The following ROBO1 variants were observed in gnomAD, a reference collection of about 807,000 sequenced individuals.
The protein encoded by ROBO1 is roundabout homolog 1.
Under a neutral mutation model 195.9 loss-of-function variants are expected in ROBO1, and 149 were observed. The ratio of observed to expected loss-of-function variants is 0.76; its 90% CI spans 0.67 to 0.87. The LOEUF (loss-of-function observed/expected upper bound fraction) is 0.87. ROBO1 is among the 40% of genes least tolerant of loss of function. ROBO1 has a pLI of 0.00. For missense variants in ROBO1, 1,933 were observed against 2,068.3 expected, an observed-to-expected ratio of 0.93 and a Z score of 1.27; for synonymous variants, 816 against 733.2, an observed-to-expected ratio of 1.11 and a Z score of -1.82.
chr3:78,827,968 C>T (rs1279651121), intron 4 of ROBO1, among the ~76,000 whole-genome samples: 3 of 152,130 alleles, frequency 2.0e-5, no homozygotes, highest in Non-Finnish European at 2.9e-5. Context: ...CGAGTAGACA[C>T]ATAATATTAA....
At chr3:78,810,737 C>T (rs1347843763) in intron 4 of ROBO1, among the ~76,000 whole-genome samples, 1 of 151,922 alleles carries the variant, frequency 6.6e-6, no homozygotes, top group Non-Finnish European at 1.5e-5. Context: ...TCCATTCCTC[C>T]TCCCCTACCC....
chr3:79,024,566 A>G (rs904092783), intron 3 of ROBO1, among the ~76,000 whole-genome samples: 1 of 152,196 alleles, frequency 6.6e-6, no homozygotes, highest in Admixed American at 6.5e-5. Context: ...AGAAACAAAG[A>G]TGAGTTCCAT....
chr3:78,982,638 T>C (rs2077021823), intron 3 of ROBO1, among the ~76,000 whole-genome samples: 1 of 152,190 alleles, frequency 6.6e-6, no homozygotes, highest in African/African-American at 2.4e-5. Flanking sequence ...TTTTTTCTTT[T>C]TTTTCTTCAA....
At chr3:78,823,083 G>C (rs1559893064) in intron 4 of ROBO1, among the ~76,000 whole-genome samples, 2 of 152,084 alleles carry the variant, frequency 1.3e-5, no homozygotes, top group Non-Finnish European at 2.9e-5. Flanking sequence ...AAACTGAAAT[G>C]CTGCTGTCTT....
intron 2 of ROBO1, among the ~76,000 whole-genome samples, chr3:79,510,331 T>C (rs1231457767): frequency 6.6e-6 from 1 of 152,186 alleles, no homozygotes; most frequent in Admixed American, 6.6e-5. Context: ...ATTCTCTCCA[T>C]GAAGAGGTGC....
At chr3:78,766,948 C>G (rs568533975) in intron 4 of ROBO1, among the ~76,000 whole-genome samples, 7 of 152,260 alleles carry the variant, frequency 4.6e-5, no homozygotes, top group African/African-American at 1.7e-4. Flanking sequence ...TAAGCCATCC[C>G]TGCTTCCCTG....
intron 3 of ROBO1, among the ~76,000 whole-genome samples, chr3:78,958,573 T>A (rs1299715259): frequency 6.6e-6 from 1 of 152,080 alleles, no homozygotes; most frequent in Non-Finnish European, 1.5e-5. Flanking sequence ...AACAGGAGTA[T>A]CTCTTTTTCT....
At chr3:79,256,443 A>C (rs1392455640) in intron 2 of ROBO1, among the ~76,000 whole-genome samples, 2 of 152,198 alleles carry the variant, frequency 1.3e-5, no homozygotes, top group Non-Finnish European at 2.9e-5. Context: ...AGTATTAATA[A>C]ACGTTGTATA....
chr3:79,677,011 A>G (rs1468123871), intron 1 of ROBO1, among the ~76,000 whole-genome samples: 1 of 151,998 alleles, frequency 6.6e-6, no homozygotes, highest in Non-Finnish European at 1.5e-5. Flanking sequence ...AAAGATGTTA[A>G]TTATTTTGTT....
chr3:79,628,706 C>CA (rs1399606235), intron 1 of ROBO1, among the ~76,000 whole-genome samples: 2 of 151,962 alleles, frequency 1.3e-5, no homozygotes, highest in African/African-American at 4.8e-5. Flanking sequence ...ATAAACTGGC[C>CA]AATGGAATTA....
At chr3:79,634,405 A>T (rs1274410521) in intron 1 of ROBO1, among the ~76,000 whole-genome samples, 3 of 152,138 alleles carry the variant, frequency 2.0e-5, no homozygotes, top group Non-Finnish European at 4.4e-5. Context: ...AAAGAACAAA[A>T]ATAGGTTATA....
intron 2 of ROBO1, among the ~76,000 whole-genome samples, chr3:79,530,277 GC>G (rs1399195153): frequency 4.6e-5 from 7 of 151,894 alleles, no homozygotes; most frequent in Admixed American, 3.9e-4. Flanking sequence ...CCTGGTGATT[GC>G]ATCAATAGGT....
At chr3:79,062,910 A>AACATAT (rs201142248) in intron 3 of ROBO1, among the ~76,000 whole-genome samples, 2,490 of 152,122 alleles carry the variant, frequency 0.016, 76 homozygotes, top group African/African-American at 0.057. Context: ...GCAGCAAACC[A>AACATAT]ACATGGTATA....
intron 19 of ROBO1, 147 bp downstream of exon 19, chr3:78,651,585 C>T (rs1030042615): frequency 4.6e-5 from 25 of 546,820 alleles, no homozygotes; most frequent in African/African-American, 2.5e-4. Flanking sequence ...ATGTGGATAC[C>T]GCAGCACAAT....
intron 2 of ROBO1, among the ~76,000 whole-genome samples, chr3:79,588,231 C>G (rs986122422): frequency 6.6e-6 from 1 of 151,682 alleles, no homozygotes; most frequent in Non-Finnish European, 1.5e-5. Context: ...CCTAAGCGTT[C>G]AAGTTGATTT....
chr3:78,942,535 T>TA (rs1180108810), intron 3 of ROBO1, among the ~76,000 whole-genome samples: 2 of 151,998 alleles, frequency 1.3e-5, no homozygotes, highest in African/African-American at 2.4e-5. Flanking sequence ...AGGCAGGGAA[T>TA]AAGAGAGTGA....
chr3:78,833,594 G>T (rs892676171), intron 4 of ROBO1, among the ~76,000 whole-genome samples: 1 of 151,608 alleles, frequency 6.6e-6, no homozygotes, highest in Non-Finnish European at 1.5e-5. Context: ...AAAGAAGGGG[G>T]ACAGGGAAAA....
At chr3:78,671,383 T>C (rs1708058273) in intron 10 of ROBO1, among the ~76,000 whole-genome samples, 1 of 152,050 alleles carries the variant, frequency 6.6e-6, no homozygotes, top group South Asian at 2.1e-4. Context: ...ATGAAAAATT[T>C]TTAAAAGACA....
At chr3:79,540,436 T>C (rs986832432) in intron 2 of ROBO1, among the ~76,000 whole-genome samples, 7 of 152,110 alleles carry the variant, frequency 4.6e-5, no homozygotes, top group African/African-American at 1.7e-4. Context: ...GGTTTTGGCA[T>C]TTTCTAACTC....
Sources: gnomAD v4.1 joint callset for allele counts (sites outside exome capture counted in the v4.1 genomes callset) on GRCh38, gnomAD v4.1.1 for gene constraint, MANE v1.5 for transcripts, NCBI Gene and HGNC (gene_info 2026-07-23, HGNC 2026-07-21) for gene names.